The following GRM4 variants were observed in gnomAD, a reference collection of about 807,000 sequenced individuals.
GRM4 encodes metabotropic glutamate receptor 4.
GRM4 carries 28 observed loss-of-function variants against 81.7 expected under a neutral mutation model. The observed-to-expected ratio is 0.34, with a 90% CI of 0.25 to 0.47. The LOEUF (loss-of-function observed/expected upper bound fraction) is 0.47. GRM4 is among the 20% of genes least tolerant of loss of function. The pLI, the probability that GRM4 is intolerant of heterozygous loss-of-function variation, is 1.00. For missense variants in GRM4, 948 were observed against 1,290.0 expected (o/e 0.73, Z 4.06); for synonymous variants, 488 against 528.8 (o/e 0.92, Z 1.06).
rs761922640 is a variant in GRM4, at chr6:34,028,145, C to T, written c.2664G>A (p.Glu888=). 4.3e-6 allele frequency: 7 copies of T among 1,613,600 alleles called. No individual in the cohort carries two copies. Among genetic ancestry groups the T allele is most frequent in the Non-Finnish European group, 5.9e-6 (7 of 1,179,860 alleles). ...NFRPNGEAKS[E]LCENLEAPAL... Reference sequence around the variant, plus strand: ...CTGGGGCCTCAAGGTTCTCGCAGAGCTCAGACTTGGCCTCTCCGTTGGGCC... The same window carrying T: ...CTGGGGCCTCAAGGTTCTCGCAGAGTTCAGACTTGGCCTCTCCGTTGGGCC... The change falls in exon 10 of 11, where the codon GAG becomes GAA. Residue 888 remains glutamate (E), a synonymous_variant. Coordinates refer to ENST00000538487, the MANE Select transcript of GRM4 (RefSeq NM_000841.4).
chr6:34,089,259 A>G lies in GRM4; in HGVS notation c.736+2624T>C, dbSNP rs1200394722. ...TATACTTCAGAGTACGAATCAATAC[A>G]ATATACGGCCAAAGACATCTTTAAT... On this transcript the variant is annotated intron_variant, in intron 3 of 10. Transcript: ENST00000538487. This position sits in a 1 kb window ranked among gnomAD's most constrained non-coding sequence, Gnocchi z 4.3. Among the ~76,000 whole-genome samples the G allele has an allele frequency of 6.6e-6, 1 of 152,132 alleles. No homozygotes were observed. Among genetic ancestry groups the G allele is most frequent in the Non-Finnish European group, 1.5e-5 (1 of 68,032 alleles).
Position 34,133,857 on chromosome 6 carries a change from A to G in GRM4, c.-361T>C. On this transcript the variant is annotated splice_region_variant and 5_prime_UTR_variant, in exon 2 of 11. Transcript: ENST00000538487. The surrounding 1 kb of genome is among the most constrained non-coding windows in gnomAD (Gnocchi z 6.5). ...ACAGCTCCAATCCTCTCCTCCTACC[A>G]ACCTTAGAAGGGGAAGAGAGAGAGA... 9.4e-7 allele frequency: 1 copy of G among 1,060,106 alleles called. No homozygotes were observed. The highest frequency in any genetic ancestry group is 4.6e-5 in the South Asian group (1 of 21,976). The allele number at this position is 1,060,106 out of a possible 1,614,324, so 65.7% of individuals were successfully genotyped here. A position where few individuals can be genotyped will look rare whatever the true frequency, so the allele number is the denominator to read the frequency against.
intron 5 of GRM4, among the ~76,000 whole-genome samples, chr6:34,058,500 C>T (rs987916268): frequency 3.3e-5 from 5 of 152,136 alleles, no homozygotes; most frequent in South Asian, 2.1e-4. Flanking sequence ...AGGCCATTAA[C>T]GAGAACGTCA....
chr6:34,040,302 T>G lies in GRM4; in HGVS notation c.1382A>C (p.Asn461Thr). 1 of 1,614,118 alleles carries G rather than the reference T, an allele frequency of 6.2e-7. No homozygotes were observed. Among genetic ancestry groups the G allele is most frequent in the South Asian group, 1.1e-5 (1 of 91,076 alleles). Reference sequence around the variant, plus strand: ...TCCATTCTCATTGAAGGTCACAGGGTTCCCTGCGATGCCTGTAAGGGTGGG... The same window carrying G: ...TCCATTCTCATTGAAGGTCACAGGGGTCCCTGCGATGCCTGTAAGGGTGGG... ...RNVNFSGIAG[N>T]PVTFNENGDA... Residue 461 changes from asparagine to threonine, a missense_variant, in exon 8 of 11, where the codon AAC becomes ACC. Physicochemically the swap from Asn to Thr is moderately conservative, Grantham distance 65 (BLOSUM62 0). Transcript: ENST00000538487.
rs140680677 is a variant in GRM4 at position 34,028,372 on chromosome 6, G to A, written c.2443-6C>T. 23,667 of 1,607,306 alleles carry A rather than the reference G, an allele frequency of 0.015. 218 individuals carry two copies. Among genetic ancestry groups the A allele is most frequent in the South Asian group, 0.021 (1,893 of 91,048 alleles). On this transcript the variant is annotated splice_polypyrimidine_tract_variant and splice_region_variant and intron_variant, in intron 9 of 10. Transcript: ENST00000538487. ...GTCGTCGTCTGGATGTACAGCTGGC[G>A]GAGGGCACGGTGGCGTCAGAGCAGG...
intron 2 of GRM4, among the ~76,000 whole-genome samples, chr6:34,096,832 C>G (rs1446174737): frequency 6.6e-6 from 1 of 152,202 alleles, no homozygotes. Flanking sequence ...TCTAGAGTGA[C>G]AAGGAGATCC....
exon 1 of GRM4, chr6:34,155,274 T>G (rs1415664140): frequency 2.0e-6 from 3 of 1,534,186 alleles, no homozygotes; most frequent in Admixed American, 2.0e-5. Flanking sequence ...AGGTGAGGTT[T>G]CCTTGGTGGG....
chr6:34,109,903 A>G (rs1002452590), intron 2 of GRM4, among the ~76,000 whole-genome samples: 3 of 151,064 alleles, frequency 2.0e-5, no homozygotes, highest in African/African-American at 7.3e-5. Flanking sequence ...AGGACCTCCA[A>G]GGCTCTTTGA....
intron 6 of GRM4, among the ~76,000 whole-genome samples, chr6:34,044,777 CAT>C (rs1342123399): frequency 1.4e-5 from 2 of 141,966 alleles, no homozygotes; most frequent in African/African-American, 2.7e-5. Flanking sequence ...TAGACATACA[CAT>C]ACACACACAG....
intron 2 of GRM4, among the ~76,000 whole-genome samples, chr6:34,102,420 C>T (rs1190232099): frequency 6.6e-6 from 1 of 152,222 alleles, no homozygotes; most frequent in Non-Finnish European, 1.5e-5. Context: ...ACTCTCCAGG[C>T]ACACTCCGCC....
At chr6:34,154,220 G>A (rs950826962) in intron 1 of GRM4, among the ~76,000 whole-genome samples, 1 of 152,220 alleles carries the variant, frequency 6.6e-6, no homozygotes, top group Non-Finnish European at 1.5e-5. Flanking sequence ...TCAGGCTGCT[G>A]CGATGGCCCT....
chr6:34,042,244 C>T lies in GRM4; in HGVS notation c.1169-1496G>A, dbSNP rs952109895. On this transcript the variant is annotated intron_variant, in intron 6 of 10. Coordinates refer to ENST00000538487, the MANE Select transcript of GRM4 (RefSeq NM_000841.4). This position sits in a 1 kb window ranked among gnomAD's most constrained non-coding sequence, Gnocchi z 4.2. ...TTGCACCATTGCACTCCAGCCTGAG[C>T]GACAGAGTGAGACTCCATCTCAAAA... Among the ~76,000 whole-genome samples, 2 of 152,142 alleles carry T rather than the reference C, an allele frequency of 1.3e-5. No individual in the cohort carries two copies. The highest frequency in any genetic ancestry group is 2.4e-5 in the African/African-American group (1 of 41,418).
intron 3 of GRM4, among the ~76,000 whole-genome samples, chr6:34,073,266 CA>C (rs1767107637): frequency 4.8e-4 from 21 of 43,726 alleles, no homozygotes; most frequent in African/African-American, 2.0e-3. Context: ...ACATAGATAC[CA>C]CGTCACCACA....
At chr6:34,029,502 G>A (rs1335168984) in intron 9 of GRM4, among the ~76,000 whole-genome samples, 2 of 152,080 alleles carry the variant, frequency 1.3e-5, no homozygotes, top group African/African-American at 2.4e-5. Context: ...CTTGCACGCC[G>A]CTCCATAGAT....
intron 2 of GRM4, chr6:34,102,176 T>C: frequency 6.5e-7 from 1 of 1,533,450 alleles, no homozygotes; most frequent in Non-Finnish European, 8.7e-7. Context: ...ACAGGAGCAA[T>C]AATAGGTCTC....
chr6:34,050,426 C>T (rs1282378993), intron 6 of GRM4, among the ~76,000 whole-genome samples: 2 of 152,126 alleles, frequency 1.3e-5, no homozygotes, highest in Non-Finnish European at 1.5e-5. Context: ...TGAGTGAGTT[C>T]TCACTCTATT....
At chr6:34,073,098 C>CCACACA (rs1355497990) in intron 3 of GRM4, among the ~76,000 whole-genome samples, 1 of 4,276 alleles carries the variant, frequency 2.3e-4, no homozygotes, top group African/African-American at 8.3e-4. Flanking sequence ...CAGATACACA[C>CCACACA]CACACACACA....
Position 34,035,692 on chromosome 6 carries a change from A to G in GRM4, c.2418T>C (p.Phe806=). The G allele has an allele frequency of 7.3e-7, 1 of 1,376,120 alleles. No homozygotes were observed. The highest frequency in any genetic ancestry group is 2.0e-4 in the Middle Eastern group (1 of 4,918). The allele number at this position is 1,376,120 out of a possible 1,614,324, so 85.2% of individuals were successfully genotyped here. Residue 806 remains phenylalanine (F), a synonymous_variant, in exon 9 of 11, where the codon TTT becomes TTC. Coordinates refer to ENST00000538487, the MANE Select transcript of GRM4 (RefSeq NM_000841.4). The surrounding 1 kb of genome is among the most constrained non-coding windows in gnomAD (Gnocchi z 6.6). ...CCTTGTCGGCCGACTGCGAGGTGCC[A>G]AAGAAGATGGGGATGAAGGCCAGCC... ...IVWLAFIPIF[F]GTSQSADKLY...
intron 6 of GRM4, 143 bp downstream of exon 6, chr6:34,056,401 A>C (rs1581627534): frequency 2.9e-5 from 19 of 657,506 alleles, no homozygotes; most frequent in Middle Eastern, 4.4e-4. Context: ...TCCCAACTCC[A>C]CCCCAGGTGC....
Sources: gnomAD v4.1 joint callset for allele counts (sites outside exome capture counted in the v4.1 genomes callset) on GRCh38, gnomAD v4.1.1 for gene constraint, Gnocchi (gnomAD v3.1) non-coding constraint, MANE v1.5 for transcripts, NCBI Gene and HGNC (gene_info 2026-07-23, HGNC 2026-07-21) for gene names.